CEMIP2: variants seen among roughly 807,000 people sequenced by gnomAD.
The protein encoded by CEMIP2 is cell migration inducing hyaluronidase 2.
A neutral mutation model predicts 146.9 loss-of-function variants in CEMIP2; 79 were observed. The ratio of observed to expected loss-of-function variants is 0.54; its 90% CI spans 0.45 to 0.65. The LOEUF is 0.65. Among genes scored for constraint, CEMIP2 ranks in the 30% least tolerant of loss-of-function variants. The probability of loss-of-function intolerance (pLI) is 0.00; values close to 1 mark genes in which losing one functional copy is unlikely to be tolerated. For missense variants in CEMIP2, 1,596 were observed against 1,696.2 expected (o/e 0.94, Z 1.04); for synonymous variants, 601 against 606.3 (o/e 0.99, Z 0.13).
At position 71,698,055 on chromosome 9, in the gene CEMIP2, C is replaced by T; in HGVS notation, c.3527G>A (p.Arg1176Lys). 2 of 1,614,184 alleles carry T rather than the reference C, an allele frequency of 1.2e-6. No individual in the cohort carries two copies. The highest frequency in any genetic ancestry group is 8.5e-7 in the Non-Finnish European group (1 of 1,180,036). ...CATCCGCTTGACCACTGACGGCTTT[C>T]TGTAGTACTGTGGGTATGCTTTGGC... is the stretch of plus-strand genomic sequence containing the variant. ...CMAKAYPQYY[R>K]KPSVVKRMPA... The change falls in exon 20 of 24, where the codon AGA (arginine) becomes AAA (lysine). Residue 1176 changes from arginine (R) to lysine (K), a missense_variant. Transcript: ENST00000377044.
intron 12 of CEMIP2, among the ~76,000 whole-genome samples, chr9:71,720,147 G>C (rs1460270645): frequency 6.6e-6 from 1 of 152,118 alleles, no homozygotes; most frequent in African/African-American, 2.4e-5. Flanking sequence ...AAATGTACTA[G>C]GTGGTTCTAA....
chr9:71,734,128 G>T (rs530068068), intron 6 of CEMIP2, among the ~76,000 whole-genome samples: 1 of 152,108 alleles, frequency 6.6e-6, no homozygotes, highest in Non-Finnish European at 1.5e-5. Context: ...GATTATAGGC[G>T]GGAGCCACTG....
chr9:71,731,973 C>T (rs1449749192), intron 7 of CEMIP2, among the ~76,000 whole-genome samples: 1 of 152,110 alleles, frequency 6.6e-6, no homozygotes, highest in Non-Finnish European at 1.5e-5. Flanking sequence ...GCTAGTATTG[C>T]TAACCCTTTG....
At position 71,700,699 on chromosome 9, in the gene CEMIP2, A is replaced by G; in HGVS notation, c.3320T>C (p.Leu1107Pro). The change falls in exon 19 of 24, where the codon CTG becomes CCG. Residue 1107 changes from leucine (L) to proline (P), a missense_variant. Leu to Pro is a moderately conservative substitution (Grantham distance 98, BLOSUM62 -3). Transcript: ENST00000377044. The part of the protein sequence containing the change: ...KIEEYEPVHS[L>P]EELQRKQSER... ...GGATTGCTTTCTTTGCAGTTCTTCCAGTGAATGCACAGGCTCATATTCTTC... is the reference window on the plus strand; with the variant it reads ...GGATTGCTTTCTTTGCAGTTCTTCCGGTGAATGCACAGGCTCATATTCTTC... The G allele has an allele frequency of 1.9e-6, 3 of 1,612,424 alleles. No homozygotes were observed. The South Asian group carries it at 3.3e-5, about 18-fold the overall frequency.
At chr9:71,755,368 C>T (rs963455965) in intron 1 of CEMIP2, among the ~76,000 whole-genome samples, 5 of 151,000 alleles carry the variant, frequency 3.3e-5, no homozygotes, top group African/African-American at 9.8e-5. Flanking sequence ...CACACACACA[C>T]ACACACACAC....
chr9:71,722,560 T>C (rs1214034351), intron 11 of CEMIP2, 45 bp from the exon 12 acceptor site: 1 of 1,421,388 alleles, frequency 7.0e-7, no homozygotes, highest in Non-Finnish European at 9.9e-7. Context: ...GAATCCCAAC[T>C]TACAACAACA....
At chr9:71,720,204 G>A (rs1823193291) in intron 12 of CEMIP2, among the ~76,000 whole-genome samples, 2 of 152,164 alleles carry the variant, frequency 1.3e-5, no homozygotes, top group South Asian at 4.1e-4. Flanking sequence ...CAAACCAAGA[G>A]CTTTCTTCAG....
chr9:71,698,436 A>G (rs1323838549), intron 19 of CEMIP2, among the ~76,000 whole-genome samples: 1 of 152,234 alleles, frequency 6.6e-6, no homozygotes, highest in Non-Finnish European at 1.5e-5. Context: ...ATTGTTGTGG[A>G]ACATATCAAA....
intron 18 of CEMIP2, 88 bp from the exon 19 acceptor site, chr9:71,700,912 G>A (rs931215654): frequency 1.7e-6 from 2 of 1,197,016 alleles, no homozygotes; most frequent in East Asian, 2.7e-5. Flanking sequence ...TGTCCTTCAT[G>A]TGCCACTTCT....
At position 71,732,387 on chromosome 9, in the gene CEMIP2, T is replaced by C. The variant is rs80145528; in HGVS notation, c.1527A>G (p.Gln509=). 2,384 of 1,612,866 alleles carry C rather than the reference T, an allele frequency of 1.5e-3. 34 individuals carry two copies. The African/African-American group carries it at 0.028, about 19-fold the overall frequency. ...CCCCAAAGGTATCATAATCAAAAAA[T>C]TGGCACTGATTTTCTGCGTAGCATG... ...EDSCYAENQC[Q]FFDYDTFGGH... Residue 509 remains glutamine, a synonymous_variant, in exon 7 of 24, where the codon CAA becomes CAG. Transcript: ENST00000377044.
At chr9:71,701,509 G>A (rs1822561621) in intron 18 of CEMIP2, among the ~76,000 whole-genome samples, 2 of 152,188 alleles carry the variant, frequency 1.3e-5, no homozygotes, top group Admixed American at 6.5e-5. Context: ...AGATGGTTGG[G>A]TATAGGTGTA....
At chr9:71,732,187 A>G (rs1013735660) in intron 7 of CEMIP2, among the ~76,000 whole-genome samples, 164 bp downstream of exon 7, 11 of 152,226 alleles carry the variant, frequency 7.2e-5, no homozygotes, top group African/African-American at 2.7e-4. Context: ...CTGAAGTCAT[A>G]ACATTCTATT....
In CEMIP2 at chr9:71,728,239, A is replaced by ATATACG. The variant is rs1554684641; in HGVS notation, c.2049+1605_2049+1606insCGTATA. On this transcript the variant is annotated intron_variant, in intron 10 of 23. Transcript: ENST00000377044. Reference sequence around the variant, plus strand: ...TCTCTCTCTCTCTCTCTCTATATATATATATATATATGTATATACACGTAT... The same window carrying ATATACG: ...TCTCTCTCTCTCTCTCTCTATATATATATACGTATATATATATGTATATACACGTAT... 7.7e-4 allele frequency among the ~76,000 whole-genome samples: 23 copies of ATATACG among 30,060 alleles called. 2 individuals are homozygous for ATATACG. Among genetic ancestry groups the ATATACG allele is most frequent in the Non-Finnish European group, 1.7e-3 (19 of 11,022 alleles). The allele number at this position is 30,060 out of a possible 152,430, so 19.7% of individuals were successfully genotyped here. A position where few individuals can be genotyped will look rare whatever the true frequency, so the allele number is the denominator to read the frequency against.
chr9:71,751,820 C>T (rs565522505), intron 1 of CEMIP2, among the ~76,000 whole-genome samples: 2 of 152,284 alleles, frequency 1.3e-5, no homozygotes, highest in African/African-American at 4.8e-5. Flanking sequence ...AATTTCCCCA[C>T]TAGACTTATC....
intron 22 of CEMIP2, among the ~76,000 whole-genome samples, chr9:71,689,449 A>G (rs1014412303): frequency 6.6e-6 from 1 of 152,240 alleles, no homozygotes; most frequent in Admixed American, 6.5e-5. Flanking sequence ...ACCAACCCAG[A>G]AAAAGAAAGG....
chr9:71,687,936 A>G (rs1267764223), intron 22 of CEMIP2, among the ~76,000 whole-genome samples: 2 of 152,224 alleles, frequency 1.3e-5, no homozygotes, highest in Admixed American at 1.3e-4. Context: ...AGTTTACTGC[A>G]GCCTCAAACT....
At chr9:71,727,903 A>G (rs76949154) in intron 10 of CEMIP2, among the ~76,000 whole-genome samples, 10,695 of 152,084 alleles carry the variant, frequency 0.07, 539 homozygotes, top group South Asian at 0.19. Context: ...TCTACTAAAA[A>G]TACAAAAATT....
intron 17 of CEMIP2, among the ~76,000 whole-genome samples, chr9:71,705,373 T>A (rs774980050): frequency 3.3e-5 from 5 of 151,882 alleles, no homozygotes; most frequent in African/African-American, 4.8e-5. Flanking sequence ...CCTGAATGTA[T>A]TCCAGTGGCA....
intron 22 of CEMIP2, 128 bp downstream of exon 22, chr9:71,689,964 A>G: frequency 8.7e-7 from 1 of 1,154,168 alleles, no homozygotes; most frequent in Non-Finnish European, 1.2e-6. Flanking sequence ...TAGGAGAGGA[A>G]TGAACACCTT....
Sources: allele counts gnomAD v4.1 joint callset (sites outside exome capture counted in the v4.1 genomes callset), GRCh38; gene constraint gnomAD v4.1.1; transcripts MANE v1.5; gene names NCBI Gene and HGNC (gene_info 2026-07-23, HGNC 2026-07-21).